The following FAM184A variants were observed in gnomAD, a reference collection of about 807,000 sequenced individuals.
FAM184A encodes protein FAM184A.
In FAM184A, 99 loss-of-function variants were observed where a neutral mutation model predicts 143.8. The ratio of observed to expected loss-of-function variants is 0.69; its 90% confidence interval spans 0.58 to 0.81. The LOEUF (loss-of-function observed/expected upper bound fraction) is 0.81. Among genes scored for constraint, FAM184A ranks in the 40% least tolerant of loss-of-function variants. The pLI is 0.00. For missense variants in FAM184A, 1,217 were observed against 1,310.5 expected (o/e 0.93, Z 1.10); for synonymous variants, 427 against 446.4 (o/e 0.96, Z 0.55).
chr6:119,024,091 T>C lies in FAM184A; in HGVS notation c.882A>G (p.Gln294=). The change falls in exon 2 of 18, where the codon CAA becomes CAG. Residue 294 remains glutamine, a synonymous_variant. Coordinates refer to ENST00000338891, the MANE Select transcript of FAM184A (RefSeq NM_024581.6). ...CTATAGTTTTTCGTAAAATTGCTTC[T>C]TGTCCCTGAAATTCTTTTCTAAGAT... ...EADLRKEFQG[Q]EAILRKTIGK... 1 of 1,614,252 alleles carries C rather than the reference T, an allele frequency of 6.2e-7. No homozygotes were observed. Among genetic ancestry groups the C allele is most frequent in the Non-Finnish European group, 8.5e-7 (1 of 1,180,050 alleles).
At chr6:119,055,472 C>G (rs1430245851) in intron 1 of FAM184A, among the ~76,000 whole-genome samples, 2 of 152,156 alleles carry the variant, frequency 1.3e-5, no homozygotes, top group African/African-American at 2.4e-5. Context: ...AAACTGTTTA[C>G]CAAAGTGACT....
At position 119,054,372 on chromosome 6, in the gene FAM184A, A is replaced by G. The variant is rs1172214944; in HGVS notation, c.159+23769T>C. ...TATCTCTTACAGTTCCAGAGGCTGG[A>G]AAGTCCAAGATCATCAGCAGACTGG... On this transcript the variant is annotated intron_variant, in intron 1 of 17. Coordinates refer to ENST00000338891, the MANE Select transcript of FAM184A (RefSeq NM_024581.6). Among the ~76,000 whole-genome samples the G allele has an allele frequency of 9.8e-5, 15 of 152,352 alleles. No individual in the cohort carries two copies. In the East Asian group the frequency reaches 1.3e-3, roughly 14 times the overall value.
At chr6:119,122,650 G>A (rs955799545) in intron 1 of FAM184A, among the ~76,000 whole-genome samples, 8 of 152,110 alleles carry the variant, frequency 5.3e-5, no homozygotes, top group Admixed American at 1.3e-4. Context: ...GGAGGGGCGC[G>A]GTGGCTCCTG....
chr6:118,982,171 G>A (rs61108921), intron 9 of FAM184A, among the ~76,000 whole-genome samples: 26,160 of 151,986 alleles, frequency 0.17, 2,476 homozygotes, highest in African/African-American at 0.26. Context: ...AGGATAAAAC[G>A]AATATTGAAG....
intron 11 of FAM184A, 149 bp from the exon 12 acceptor site, chr6:118,976,193 T>C: frequency 1.4e-6 from 1 of 728,696 alleles, no homozygotes; most frequent in South Asian, 1.8e-5. Flanking sequence ...ATGACAAATT[T>C]AAATATTACA....
At chr6:119,066,564 C>G (rs1455697184) in intron 1 of FAM184A, among the ~76,000 whole-genome samples, 3 of 152,114 alleles carry the variant, frequency 2.0e-5, no homozygotes, top group Admixed American at 6.5e-5. Context: ...CTCCACAATC[C>G]AGAAGTAAGA....
chr6:119,141,439 C>T (rs1019296414), intron 1 of FAM184A, among the ~76,000 whole-genome samples: 5 of 152,088 alleles, frequency 3.3e-5, no homozygotes, highest in African/African-American at 7.2e-5. Context: ...ATGGCGTGGG[C>T]GGGGGGAGGA....
chr6:119,121,517 A>C (rs1218476643), intron 1 of FAM184A, among the ~76,000 whole-genome samples: 1 of 152,198 alleles, frequency 6.6e-6, no homozygotes, highest in Non-Finnish European at 1.5e-5. Flanking sequence ...CGTTAATTTT[A>C]AATAGTCCCT....
At chr6:118,994,330 AAAATAAAT>A (rs140437416) in intron 9 of FAM184A, among the ~76,000 whole-genome samples, 65 of 150,490 alleles carry the variant, frequency 4.3e-4, no homozygotes, top group African/African-American at 1.5e-3. Flanking sequence ...ACCTCGAGTT[AAAATAAAT>A]AAATAAATAA....
intron 1 of FAM184A, among the ~76,000 whole-genome samples, chr6:119,077,441 T>C (rs1262958941): frequency 2.6e-5 from 4 of 152,228 alleles, no homozygotes. Flanking sequence ...TACCAATTCC[T>C]TCTCATTATC....
At chr6:119,005,293 G>C (rs760307112) in intron 7 of FAM184A, 10 of 151,864 alleles carry the variant, frequency 6.6e-5, no homozygotes, top group Admixed American at 6.6e-4. Flanking sequence ...GAAATGATTC[G>C]AGGAAAATGA....
intron 16 of FAM184A, chr6:118,963,274 A>G (rs1783390980): frequency 6.6e-6 from 1 of 152,144 alleles, no homozygotes; most frequent in Admixed American, 6.5e-5. Context: ...TTTTGCAGCT[A>G]AAAAATTTAA....
At position 119,078,499 on chromosome 6, in the gene FAM184A, A is replaced by C; in HGVS notation, c.-200T>G. ...GGGACGGGGCGGTCCCGCCGGCCCG[A>C]AGCCGCGGGGACAACGGCGCGGGGC... On this transcript the variant is annotated 5_prime_UTR_variant, in exon 1 of 18. Transcript: ENST00000338891. The surrounding 1 kb of genome is among the most constrained non-coding windows in gnomAD (Gnocchi z 5.5). 2.4e-6 allele frequency: 1 copy of C among 412,798 alleles called. No homozygotes were observed. Among genetic ancestry groups the C allele is most frequent in the Non-Finnish European group, 4.1e-6 (1 of 246,562 alleles). 25.6% of individuals were successfully genotyped at this position (412,798 alleles called of 1,614,324 possible). A position where few individuals can be genotyped will look rare whatever the true frequency, so the allele number is the denominator to read the frequency against.
chr6:119,049,596 C>T (rs951010687), intron 1 of FAM184A, among the ~76,000 whole-genome samples: 4 of 152,160 alleles, frequency 2.6e-5, no homozygotes, highest in African/African-American at 9.7e-5. Flanking sequence ...ACATTCCCTA[C>T]TCAATAAATG....
In FAM184A at chr6:118,960,010, G is replaced by C; in HGVS notation, c.*93C>G. On this transcript the variant is annotated 3_prime_UTR_variant, in exon 18 of 18. Transcript: ENST00000338891. ...AGAGACAAATACTTTCTCATTCACA[G>C]TGTTTGACATAGGAAAGCCTATTTA... 1.1e-6 allele frequency: 1 copy of C among 898,280 alleles called. No homozygotes were observed. Among genetic ancestry groups the C allele is most frequent in the Non-Finnish European group, 1.7e-6 (1 of 588,390 alleles). 55.6% of individuals were successfully genotyped at this position (898,280 alleles called of 1,614,324 possible).
At chr6:119,073,728 A>G (rs2114793295) in intron 1 of FAM184A, among the ~76,000 whole-genome samples, 1 of 152,350 alleles carries the variant, frequency 6.6e-6, no homozygotes, top group African/African-American at 2.4e-5. Context: ...TGCCTCAAGC[A>G]CTTTGAAGAA....
chr6:119,014,456 A>T (rs1410436870), intron 5 of FAM184A, among the ~76,000 whole-genome samples: 1 of 152,246 alleles, frequency 6.6e-6, no homozygotes, highest in Non-Finnish European at 1.5e-5. Context: ...ATATATTACT[A>T]TTAGCAAGCT....
chr6:118,990,839 G>T (rs941751053), intron 9 of FAM184A, among the ~76,000 whole-genome samples: 6 of 152,008 alleles, frequency 3.9e-5, no homozygotes, highest in Non-Finnish European at 8.8e-5. Context: ...GTGGTGAGCT[G>T]AGATCACACC....
chr6:119,126,168 T>G (rs1030350002), intron 1 of FAM184A, among the ~76,000 whole-genome samples: 3 of 152,218 alleles, frequency 2.0e-5, no homozygotes, highest in Admixed American at 2.0e-4. Flanking sequence ...ATTGCCACCT[T>G]CTTGCTCACA....
Sources: allele counts gnomAD v4.1 joint callset (sites outside exome capture counted in the v4.1 genomes callset), GRCh38; gene constraint gnomAD v4.1.1; non-coding constraint Gnocchi (gnomAD v3.1); transcripts MANE v1.5; gene names NCBI Gene and HGNC (gene_info 2026-07-23, HGNC 2026-07-21).